The following MIPEP variants were observed in gnomAD, a reference collection of about 807,000 sequenced individuals.
MIPEP encodes the protein mitochondrial intermediate peptidase.
A neutral mutation model predicts 90.3 loss-of-function variants in MIPEP; 79 were observed. The observed-to-expected ratio is 0.87, with a 90% CI of 0.73 to 1.05. The LOEUF (loss-of-function observed/expected upper bound fraction) is 1.05, where lower values mean the gene tolerates loss of function less well. Ranked by LOEUF, MIPEP falls within the 50% of genes least tolerant of loss-of-function variation. The pLI is 0.00. For missense variants in MIPEP, 940 were observed against 905.6 expected (o/e 1.04, Z -0.49); for synonymous variants, 334 against 315.8 (o/e 1.06, Z -0.61).
intron 9 of MIPEP, 39 bp downstream of exon 9, chr13:23,862,263 A>T (rs778749647): frequency 4.2e-6 from 5 of 1,194,134 alleles, no homozygotes; most frequent in Non-Finnish European, 4.8e-6. Context: ...CAGTTGACAG[A>T]CTGTCTATAT....
chr13:23,817,123 T>C (rs1953250016), intron 14 of MIPEP, among the ~76,000 whole-genome samples: 1 of 152,196 alleles, frequency 6.6e-6, no homozygotes, highest in South Asian at 2.1e-4. Context: ...TCTTTCGAGC[T>C]TTCTGCATCC....
At chr13:23,743,586 T>C (rs886161127) in intron 18 of MIPEP, among the ~76,000 whole-genome samples, 1 of 152,246 alleles carries the variant, frequency 6.6e-6, no homozygotes, top group African/African-American at 2.4e-5. Flanking sequence ...TCTAGAATTA[T>C]TAACTGAAGT....
At chr13:23,854,054 G>A (rs542398376) in intron 10 of MIPEP, among the ~76,000 whole-genome samples, 24 of 151,808 alleles carry the variant, frequency 1.6e-4, no homozygotes, top group African/African-American at 3.6e-4. Flanking sequence ...GGCCAGGCGC[G>A]GTGGCTCACG....
intron 1 of MIPEP, chr13:23,888,004 G>A (rs1356815776): frequency 5.3e-6 from 2 of 375,032 alleles, no homozygotes; most frequent in African/African-American, 2.2e-5. Flanking sequence ...CGGATTACCA[G>A]TGACCATAAT....
In MIPEP at chr13:23,778,819, T is replaced by C. The variant is rs142849093; in HGVS notation, c.1849-18602A>G. Among the ~76,000 whole-genome samples, 10 of 152,332 alleles carry C rather than the reference T, an allele frequency of 6.6e-5. No individual in the cohort carries two copies. In the East Asian group the frequency reaches 1.7e-3, roughly 26 times the overall value. ...TTATTTCAGTCATAGTCCTGTGATT[T>C]AGATATCACCATCTTACTGATGAAG... On this transcript the variant is annotated intron_variant, in intron 16 of 18. Transcript: ENST00000382172.
chr13:23,811,412 T>C (rs1257661460), intron 14 of MIPEP, among the ~76,000 whole-genome samples: 2 of 152,150 alleles, frequency 1.3e-5, no homozygotes, highest in African/African-American at 2.4e-5. Context: ...AAGATAACTA[T>C]AAGAAAAATT....
intron 16 of MIPEP, among the ~76,000 whole-genome samples, chr13:23,796,400 G>C (rs1356431222): frequency 2.0e-5 from 3 of 152,094 alleles, no homozygotes; most frequent in Admixed American, 6.6e-5. Flanking sequence ...TTTGGCAACA[G>C]AGCGAGACTC....
intron 18 of MIPEP, among the ~76,000 whole-genome samples, chr13:23,743,618 GA>G (rs1359708381): frequency 2.9e-4 from 44 of 152,240 alleles, no homozygotes; most frequent in African/African-American, 1.1e-3. Context: ...ACCTGTGTTA[GA>G]CAGAAGTTGA....
intron 16 of MIPEP, among the ~76,000 whole-genome samples, chr13:23,781,732 T>C (rs1359394486): frequency 2.6e-5 from 4 of 152,032 alleles, no homozygotes; most frequent in African/African-American, 7.3e-5. Context: ...GAGACACACA[T>C]AGACTCAAAA....
intron 10 of MIPEP, chr13:23,842,626 G>A (rs1004363237): frequency 6.6e-6 from 1 of 152,322 alleles, no homozygotes; most frequent in African/African-American, 2.4e-5. Context: ...GAAAGAGGCA[G>A]AGAAGTGAAC....
At chr13:23,830,005 T>C (rs1868659845) in intron 14 of MIPEP, among the ~76,000 whole-genome samples, 1 of 152,168 alleles carries the variant, frequency 6.6e-6, no homozygotes, top group Non-Finnish European at 1.5e-5. Context: ...GAGAGGAGTA[T>C]AAATTAGCAG....
chr13:23,839,316 A>G (rs574703725), intron 12 of MIPEP, among the ~76,000 whole-genome samples: 2 of 152,220 alleles, frequency 1.3e-5, no homozygotes, highest in Non-Finnish European at 2.9e-5. Context: ...GTGAGTAACT[A>G]GTCAAAAGGG....
intron 18 of MIPEP, 160 bp downstream of exon 18, chr13:23,756,385 C>A: frequency 1.5e-6 from 1 of 675,376 alleles, no homozygotes; most frequent in Admixed American, 2.2e-5. Flanking sequence ...GAACTCCTGA[C>A]CTCAGGTGAT....
Position 23,788,858 on chromosome 13 carries a change from T to C in MIPEP, c.1848+17092A>G, listed in dbSNP as rs534656282. Reference sequence around the variant, plus strand: ...ACTCTTCAGGTTCTTGGTCCCTCCTTTTAAACAAATTTATCCTTTTATGAA... The same window carrying C: ...ACTCTTCAGGTTCTTGGTCCCTCCTCTTAAACAAATTTATCCTTTTATGAA... On this transcript the variant is annotated intron_variant, in intron 16 of 18. Coordinates refer to ENST00000382172, the MANE Select transcript of MIPEP (RefSeq NM_005932.4). Among the ~76,000 whole-genome samples the C allele has an allele frequency of 8.5e-5, 13 of 152,362 alleles. No homozygotes were observed. In the South Asian group the frequency reaches 2.7e-3, roughly 32 times the overall value.
intron 7 of MIPEP, among the ~76,000 whole-genome samples, chr13:23,866,358 G>A (rs112617770): frequency 6.6e-6 from 1 of 152,110 alleles, no homozygotes; most frequent in Non-Finnish European, 1.5e-5. Context: ...CACATCTTAC[G>A]TGATGATGTG....
At chr13:23,754,863 G>A (rs567417751) in intron 18 of MIPEP, among the ~76,000 whole-genome samples, 1 of 152,288 alleles carries the variant, frequency 6.6e-6, no homozygotes, top group South Asian at 2.1e-4. Flanking sequence ...TGTGCCTATT[G>A]TTTCACTTTT....
At chr13:23,741,931 T>C (rs1282632228) in intron 18 of MIPEP, among the ~76,000 whole-genome samples, 1 of 152,192 alleles carries the variant, frequency 6.6e-6, no homozygotes, top group African/African-American at 2.4e-5. Context: ...CAGATTTCTA[T>C]TTAAGGCCTA....
chr13:23,792,467 TTGAC>T (rs897857648), intron 16 of MIPEP, among the ~76,000 whole-genome samples: 2 of 152,210 alleles, frequency 1.3e-5, no homozygotes, highest in Non-Finnish European at 1.5e-5. Context: ...GCTCATTGCC[TTGAC>T]TGGACTCAAG....
chr13:23,773,675 C>T (rs1287289742), intron 16 of MIPEP, among the ~76,000 whole-genome samples: 1 of 152,238 alleles, frequency 6.6e-6, no homozygotes, highest in African/African-American at 2.4e-5. Flanking sequence ...ATGAAGTAGT[C>T]TCGCACTGTG....
Sources: allele counts gnomAD v4.1 joint callset (sites outside exome capture counted in the v4.1 genomes callset), GRCh38; gene constraint gnomAD v4.1.1; transcripts MANE v1.5; gene names NCBI Gene and HGNC (gene_info 2026-07-23, HGNC 2026-07-21).